FARS2: variants seen among roughly 807,000 people sequenced by gnomAD.
FARS2 encodes the protein phenylalanyl-tRNA synthetase 2, mitochondrial.
FARS2 carries 40 observed loss-of-function variants against 46.4 expected under a neutral mutation model. The ratio of observed to expected loss-of-function variants is 0.86; its 90% CI spans 0.67 to 1.12. The LOEUF (loss-of-function observed/expected upper bound fraction) is 1.12, where lower values mean the gene tolerates loss of function less well. FARS2 is among the 50% of genes most tolerant of loss of function. The probability of loss-of-function intolerance (pLI) is 0.00; values close to 1 mark genes in which losing one functional copy is unlikely to be tolerated. For synonymous variants in FARS2, 234 were observed against 214.9 expected, an observed-to-expected ratio of 1.09 and a Z score of -0.78; for missense variants, 513 against 567.9, an observed-to-expected ratio of 0.90 and a Z score of 0.98.
At chr6:5,490,328 G>A (rs1475817304) in intron 4 of FARS2, among the ~76,000 whole-genome samples, 4 of 152,132 alleles carry the variant, frequency 2.6e-5, no homozygotes, top group South Asian at 2.1e-4. Flanking sequence ...TCCAGTTTGG[G>A]GCTGTTGTGT....
At chr6:5,455,870 T>C (rs557343122) in intron 4 of FARS2, among the ~76,000 whole-genome samples, 1 of 152,284 alleles carries the variant, frequency 6.6e-6, no homozygotes, top group South Asian at 2.1e-4. Flanking sequence ...GTATTTAAGA[T>C]TATTTATTAT....
chr6:5,466,527 A>T (rs1765524048), intron 4 of FARS2: 2 of 984,804 alleles, frequency 2.0e-6, no homozygotes, highest in Non-Finnish European at 1.2e-6. Context: ...TGTATACCTC[A>T]TTGGAAGTTT....
chr6:5,738,344 G>T (rs1017001000), intron 6 of FARS2, among the ~76,000 whole-genome samples: 1 of 152,198 alleles, frequency 6.6e-6, no homozygotes, highest in African/African-American at 2.4e-5. Flanking sequence ...TGAAGAGATT[G>T]AATATGTTGC....
chr6:5,385,481 G>A (rs961431185), intron 2 of FARS2, among the ~76,000 whole-genome samples: 1 of 151,324 alleles, frequency 6.6e-6, no homozygotes, highest in African/African-American at 2.4e-5. Flanking sequence ...GAATGCAGTG[G>A]CATGACCTCG....
chr6:5,698,713 T>G (rs1758246418), intron 6 of FARS2, among the ~76,000 whole-genome samples: 1 of 152,154 alleles, frequency 6.6e-6, no homozygotes, highest in Non-Finnish European at 1.5e-5. Flanking sequence ...CCACAGGGTG[T>G]GGGTCCGGCT....
At chr6:5,475,920 G>C (rs1415678458) in intron 4 of FARS2, among the ~76,000 whole-genome samples, 1 of 152,106 alleles carries the variant, frequency 6.6e-6, no homozygotes, top group Non-Finnish European at 1.5e-5. Flanking sequence ...TGCTCCATTA[G>C]CCATTCTGTA....
chr6:5,551,435 CAAGAGTCTCTTT>C (rs1289387395), intron 5 of FARS2, among the ~76,000 whole-genome samples: 1 of 152,202 alleles, frequency 6.6e-6, no homozygotes, highest in African/African-American at 2.4e-5. Flanking sequence ...CATATTTCTA[CAAGAGTCTCTTT>C]AAGGCAAAAT....
chr6:5,483,418 G>C (rs200189), intron 4 of FARS2, among the ~76,000 whole-genome samples: 3,983 of 152,206 alleles, frequency 0.026, 188 homozygotes, highest in African/African-American at 0.091. Flanking sequence ...GTGGCTCATG[G>C]CTATAATCCC....
Position 5,684,279 on chromosome 6 carries a change from T to C in FARS2, c.1217+70959T>C, listed in dbSNP as rs9504489. ...CAGCTGTGTTCATAATAAACCCCAC[T>C]GACACGTCCCCGGCCCCTCACCTGG... is the stretch of plus-strand genomic sequence containing the variant. On this transcript the variant is annotated intron_variant, in intron 6 of 6. Transcript: ENST00000274680. Among the ~76,000 whole-genome samples, 903 of 152,232 alleles carry C rather than the reference T, an allele frequency of 5.9e-3. 13 individuals carry two copies. The highest frequency in any genetic ancestry group is 0.021 in the African/African-American group (856 of 41,542).
At chr6:5,304,410 A>G (rs891834373) in intron 1 of FARS2, among the ~76,000 whole-genome samples, 1 of 152,238 alleles carries the variant, frequency 6.6e-6, no homozygotes, top group Non-Finnish European at 1.5e-5. Flanking sequence ...ACATTTGTAC[A>G]TGTAGCTATT....
At chr6:5,668,642 C>T (rs1260842044) in intron 6 of FARS2, among the ~76,000 whole-genome samples, 4 of 146,346 alleles carry the variant, frequency 2.7e-5, no homozygotes, top group African/African-American at 1.0e-4. Flanking sequence ...TTTACCTCTT[C>T]ATTGCTATGT....
At chr6:5,594,239 C>A (rs1482432406) in intron 5 of FARS2, among the ~76,000 whole-genome samples, 1 of 152,154 alleles carries the variant, frequency 6.6e-6, no homozygotes, top group African/African-American at 2.4e-5. Context: ...AAGTTCCCCT[C>A]GATGAGCAGA....
chr6:5,554,226 T>A (rs544504967), intron 5 of FARS2, among the ~76,000 whole-genome samples: 19 of 152,346 alleles, frequency 1.2e-4, no homozygotes, highest in African/African-American at 4.1e-4. Flanking sequence ...TGCACATTTT[T>A]AAAAATTATA....
chr6:5,659,334 T>C (rs183330966), intron 6 of FARS2, among the ~76,000 whole-genome samples: 28 of 152,316 alleles, frequency 1.8e-4, no homozygotes, highest in Admixed American at 1.8e-3. Flanking sequence ...CTTTGATTCG[T>C]TCTGTAACTA....
chr6:5,464,797 A>G (rs1278162375), intron 4 of FARS2, among the ~76,000 whole-genome samples: 1 of 152,242 alleles, frequency 6.6e-6, no homozygotes, highest in Non-Finnish European at 1.5e-5. Flanking sequence ...TAAAGAAAGA[A>G]AGAAAGAAAG....
intron 5 of FARS2, chr6:5,610,006 G>A (rs184933666): frequency 1.5e-4 from 154 of 1,035,820 alleles, no homozygotes; most frequent in Non-Finnish European, 2.0e-4. Context: ...CACCTCCTCC[G>A]CAGTGGCATA....
intron 1 of FARS2, among the ~76,000 whole-genome samples, chr6:5,339,551 G>A (rs1285461602): frequency 6.6e-6 from 1 of 151,978 alleles, no homozygotes; most frequent in African/African-American, 2.4e-5. Context: ...TCCTCAGCTG[G>A]CAGTAGCTGG....
At chr6:5,393,228 T>C (rs1350210638) in intron 2 of FARS2, among the ~76,000 whole-genome samples, 1 of 151,750 alleles carries the variant, frequency 6.6e-6, no homozygotes, top group East Asian at 1.9e-4. Flanking sequence ...AGGATTATTA[T>C]AGGCTAACCA....
intron 4 of FARS2, among the ~76,000 whole-genome samples, chr6:5,526,922 C>T (rs1769501112): frequency 6.6e-6 from 1 of 152,156 alleles, no homozygotes; most frequent in South Asian, 2.1e-4. Context: ...TGGCCTATGC[C>T]TGGTTTCTTA....
Sources: allele counts gnomAD v4.1 joint callset (sites outside exome capture counted in the v4.1 genomes callset), GRCh38; gene constraint gnomAD v4.1.1; transcripts MANE v1.5; gene names NCBI Gene and HGNC (gene_info 2026-07-23, HGNC 2026-07-21).